The following NLRP5 variants were observed in gnomAD, a reference collection of about 807,000 sequenced individuals.
NLRP5 encodes NLR family pyrin domain containing 5.
In NLRP5, 93 loss-of-function variants were observed where a neutral mutation model predicts 113.1. That is an observed-to-expected ratio of 0.82 (90% CI 0.70 to 0.98). NLRP5 has a LOEUF of 0.98. Ranked by LOEUF, NLRP5 falls within the 50% of genes least tolerant of loss-of-function variation. The pLI is 0.00. For synonymous variants in NLRP5, 751 were observed against 600.7 expected (o/e 1.25, Z -3.66); for missense variants, 1,808 against 1,514.3 (o/e 1.19, Z -3.22).
chr19:56,024,340 TAAAAA>T (rs771516465), intron 6 of NLRP5, among the ~76,000 whole-genome samples: 3 of 110,232 alleles, frequency 2.7e-5, no homozygotes, highest in Non-Finnish European at 3.7e-5. Flanking sequence ...CATCTCTGCT[TAAAAA>T]AAAAAAAAAA....
intron 6 of NLRP5, among the ~76,000 whole-genome samples, chr19:56,020,667 A>G (rs1458202706): frequency 1.3e-5 from 2 of 151,432 alleles, no homozygotes; most frequent in Admixed American, 1.3e-4. Context: ...TAAAGAACCC[A>G]TAATTCTAGG....
chr19:56,019,447 G>T (rs766258871), intron 5 of NLRP5, 49 bp downstream of exon 5: 27 of 1,562,870 alleles, frequency 1.7e-5, no homozygotes, highest in Non-Finnish European at 2.4e-5. Context: ...AAGAAAGTTG[G>T]GTGAAAGAAG....
At chr19:56,017,185 T>C (rs548081606) in intron 4 of NLRP5, among the ~76,000 whole-genome samples, 1 of 152,302 alleles carries the variant, frequency 6.6e-6, no homozygotes, top group East Asian at 1.9e-4. Context: ...GCTGTCTCTT[T>C]TTTTCCTTGG....
chr19:56,055,191 C>T (rs1053421830), intron 13 of NLRP5, among the ~76,000 whole-genome samples: 4 of 151,816 alleles, frequency 2.6e-5, no homozygotes, highest in South Asian at 4.2e-4. Flanking sequence ...AGGGTTTCAC[C>T]GTGTTAGCCA....
chr19:56,051,529 G>T (rs1983931882), intron 12 of NLRP5, among the ~76,000 whole-genome samples: 1 of 151,978 alleles, frequency 6.6e-6, no homozygotes, highest in East Asian at 1.9e-4. Flanking sequence ...GGCAGGCAGA[G>T]CACTAAATAT....
chr19:55,995,515 G>A (rs144852578), upstream of NLRP5, among the ~76,000 whole-genome samples: 24 of 152,284 alleles, frequency 1.6e-4, no homozygotes, highest in East Asian at 4.1e-3. Flanking sequence ...ATAGCTTTGT[G>A]AAGTCAGGTA....
At chr19:56,035,543 G>A (rs138249014) in intron 9 of NLRP5, among the ~76,000 whole-genome samples, 6 of 152,272 alleles carry the variant, frequency 3.9e-5, no homozygotes, top group South Asian at 2.1e-4. Context: ...AGACATTGTC[G>A]GAAAAGATGG....
upstream of NLRP5, among the ~76,000 whole-genome samples, chr19:55,998,688 A>ATATGTGTGTGTGTGTGTG (rs1981439743): frequency 1.8e-4 from 9 of 50,294 alleles, no homozygotes; most frequent in African/African-American, 7.9e-4. Flanking sequence ...ATATATATAT[A>ATATGTGTGTGTGTGTGTG]TATATATATA....
Position 56,061,606 on chromosome 19 carries a change from C to G in NLRP5, c.*78C>G. The G allele has an allele frequency of 7.0e-7, 1 of 1,438,238 alleles. No individual in the cohort carries two copies. The highest frequency in any genetic ancestry group is 9.7e-7 in the Non-Finnish European group (1 of 1,033,856). 89.1% of individuals were successfully genotyped at this position (1,438,238 alleles called of 1,614,324 possible). ...CTGTTTTCTCAGAGCAAGCTATGCA[C>G]CTGGGAGTTCCTTCTCAAAGATGGA... On this transcript the variant is annotated 3_prime_UTR_variant, in exon 15 of 15. Coordinates refer to ENST00000390649, the MANE Select transcript of NLRP5 (RefSeq NM_153447.4).
At chr19:56,057,076 C>T (rs1258667739) in intron 13 of NLRP5, among the ~76,000 whole-genome samples, 3 of 152,126 alleles carry the variant, frequency 2.0e-5, no homozygotes, top group Admixed American at 1.3e-4. Context: ...GTGGAGGTCG[C>T]AGTGAGTCGA....
intron 14 of NLRP5, among the ~76,000 whole-genome samples, chr19:56,060,763 C>G (rs187678292): frequency 6.6e-6 from 1 of 152,020 alleles, no homozygotes; most frequent in African/African-American, 2.4e-5. Flanking sequence ...AGGGAACATG[C>G]TACTGTTATC....
the NLRP5 span, among the ~76,000 whole-genome samples, chr19:55,989,670 C>A: frequency 6.6e-6 from 1 of 152,138 alleles, no homozygotes; most frequent in Non-Finnish European, 1.5e-5. Context: ...AGACATTCTG[C>A]GCACGTGTAT....
chr19:56,043,763 G>A (rs1446203598), intron 11 of NLRP5, among the ~76,000 whole-genome samples: 1 of 151,254 alleles, frequency 6.6e-6, no homozygotes, highest in Admixed American at 6.6e-5. Context: ...GTTTTTAGTA[G>A]AGACAGGGTT....
In NLRP5 at chr19:56,041,055, T is replaced by C. The variant is rs1983504480; in HGVS notation, c.2920T>C (p.Ser974Pro). The C allele has an allele frequency of 6.2e-7, 1 of 1,613,850 alleles. No individual in the cohort carries two copies. The highest frequency in any genetic ancestry group is 1.3e-5 in the African/African-American group (1 of 74,920). Reference sequence around the variant, plus strand: ...CGAAGGTGTAAATCTACTGTGTCGATCCATGAGGCTTCCCCACTGTAGTCT... The same window carrying C: ...CGAAGGTGTAAATCTACTGTGTCGACCCATGAGGCTTCCCCACTGTAGTCT... Residue 974 changes from serine (S) to proline (P), a missense_variant, in exon 11 of 15, where the codon TCC becomes CCC. Coordinates refer to ENST00000390649, the MANE Select transcript of NLRP5 (RefSeq NM_153447.4).
chr19:56,038,763 G>A (rs1453923321), intron 10 of NLRP5, among the ~76,000 whole-genome samples: 3 of 152,170 alleles, frequency 2.0e-5, no homozygotes, highest in African/African-American at 7.2e-5. Flanking sequence ...AAGGGCCTCC[G>A]AGTGGAAACG....
chr19:56,015,737 T>C lies in NLRP5; in HGVS notation c.509-5T>C. 6.4e-7 allele frequency: 1 copy of C among 1,564,264 alleles called. No individual in the cohort carries two copies. Among genetic ancestry groups the C allele is most frequent in the Non-Finnish European group, 8.7e-7 (1 of 1,152,640 alleles). On this transcript the variant is annotated splice_polypyrimidine_tract_variant and splice_region_variant and intron_variant, in intron 3 of 14. Coordinates refer to ENST00000390649, the MANE Select transcript of NLRP5 (RefSeq NM_153447.4). Reference sequence around the variant, plus strand: ...GTGTTTATTCTTCTCCCTTCTCTTTTGCAGGAATTTCACAAGCTGTGCAAC... The same window carrying C: ...GTGTTTATTCTTCTCCCTTCTCTTTCGCAGGAATTTCACAAGCTGTGCAAC...
Position 56,061,515 on chromosome 19 carries a change from G to A in NLRP5, c.3590G>A (p.Trp1197Ter). The stretch of plus-strand genomic sequence containing the variant: ...TCTTTTGATGAAGATGACCGGTACT[G>A]GTGGAAAAACTGAAGATACGGAAAC... The change falls in exon 15 of 15, where the codon TGG (tryptophan) becomes TAG (stop). Residue 1197 changes from tryptophan to a stop codon, truncating the protein, a stop_gained. Transcript: ENST00000390649. LOFTEE classifies it high-confidence loss of function. 1 of 1,613,982 alleles carries A rather than the reference G, an allele frequency of 6.2e-7. No homozygotes were observed. The highest frequency in any genetic ancestry group is 1.3e-5 in the African/African-American group (1 of 75,054).
upstream of NLRP5, among the ~76,000 whole-genome samples, chr19:55,996,055 G>A (rs1003343133): frequency 6.6e-6 from 1 of 152,022 alleles, no homozygotes; most frequent in Non-Finnish European, 1.5e-5. Flanking sequence ...GGGTCTGTAG[G>A]CTTTTCTAAA....
intron 9 of NLRP5, among the ~76,000 whole-genome samples, chr19:56,035,779 T>C (rs979616193): frequency 6.6e-6 from 1 of 152,102 alleles, no homozygotes; most frequent in African/African-American, 2.4e-5. Flanking sequence ...ACTTATTGGA[T>C]AGAGGGATGG....
Sources: allele counts gnomAD v4.1 joint callset (sites outside exome capture counted in the v4.1 genomes callset), GRCh38; gene constraint gnomAD v4.1.1; transcripts MANE v1.5; gene names NCBI Gene and HGNC (gene_info 2026-07-23, HGNC 2026-07-21).